The following PLEKHA2 variants were observed in gnomAD, a reference collection of about 807,000 sequenced individuals.
PLEKHA2 encodes the protein pleckstrin homology domain-containing family A member 2.
PLEKHA2 carries 28 observed loss-of-function variants against 53.2 expected under a neutral mutation model. The ratio of observed to expected loss-of-function variants is 0.53; its 90% CI spans 0.39 to 0.72. The LOEUF is 0.72. Ranked by LOEUF, PLEKHA2 falls within the 30% of genes least tolerant of loss-of-function variation. PLEKHA2 has a pLI of 0.00. For missense variants in PLEKHA2, 426 were observed against 537.9 expected (o/e 0.79, Z 2.06); for synonymous variants, 193 against 196.4 (o/e 0.98, Z 0.14).
chr8:38,904,622 T>A (rs1441086390), intron 1 of PLEKHA2, among the ~76,000 whole-genome samples: 2 of 152,240 alleles, frequency 1.3e-5, no homozygotes, highest in Admixed American at 6.5e-5. Flanking sequence ...GCACATTGCC[T>A]GGACTTTTTG....
intron 2 of PLEKHA2, among the ~76,000 whole-genome samples, chr8:38,920,346 G>A (rs1412631415): frequency 1.3e-5 from 2 of 152,052 alleles, no homozygotes; most frequent in Non-Finnish European, 1.5e-5. Context: ...AGTAGAGACG[G>A]GGTTTCACTG....
At chr8:38,920,104 T>A (rs1373291203) in intron 2 of PLEKHA2, among the ~76,000 whole-genome samples, 6 of 152,238 alleles carry the variant, frequency 3.9e-5, no homozygotes, top group Non-Finnish European at 1.5e-5. Flanking sequence ...CCTCAGTAGC[T>A]GGGATTACTG....
At chr8:38,926,984 G>C (rs1312187994) in intron 2 of PLEKHA2, among the ~76,000 whole-genome samples, 1 of 152,164 alleles carries the variant, frequency 6.6e-6, no homozygotes, top group Non-Finnish European at 1.5e-5. Flanking sequence ...TGTGTTAAGA[G>C]TTAGCACTAC....
At chr8:38,943,741 C>T (rs1373274147) in intron 3 of PLEKHA2, 48 bp from the exon 4 acceptor site, 3 of 1,391,432 alleles carry the variant, frequency 2.2e-6, no homozygotes, top group East Asian at 5.0e-5. Flanking sequence ...AAATCTTCAA[C>T]ATTGTAAGAC....
At chr8:38,953,268 C>T (rs1279518921) in intron 8 of PLEKHA2, 29 bp from the exon 9 acceptor site, 2 of 1,569,698 alleles carry the variant, frequency 1.3e-6, no homozygotes, top group African/African-American at 1.4e-5. Flanking sequence ...GACAGCCTCA[C>T]TTACCTGTCT....
intron 1 of PLEKHA2, among the ~76,000 whole-genome samples, chr8:38,907,818 TTATGTATG>T (rs79770085): frequency 0.016 from 2,288 of 147,278 alleles, 29 homozygotes; most frequent in Middle Eastern, 0.031. Flanking sequence ...GCCACTTATT[TTATGTATG>T]TATGTATGTA....
intron 3 of PLEKHA2, among the ~76,000 whole-genome samples, chr8:38,936,623 G>A (rs796897383): frequency 1.4e-4 from 22 of 152,206 alleles, no homozygotes; most frequent in African/African-American, 4.3e-4. Flanking sequence ...GGCCACCCCC[G>A]TCCCATTTGT....
chr8:38,951,484 T>C (rs1221508078), intron 6 of PLEKHA2, among the ~76,000 whole-genome samples: 1 of 144,060 alleles, frequency 6.9e-6, no homozygotes, highest in Non-Finnish European at 1.5e-5. Flanking sequence ...TTTTTTTTTT[T>C]TTTTTTTTTG....
At chr8:38,903,653 G>A (rs988510622) in intron 1 of PLEKHA2, among the ~76,000 whole-genome samples, 1 of 152,186 alleles carries the variant, frequency 6.6e-6, no homozygotes, top group East Asian at 1.9e-4. Flanking sequence ...TAGGATACTA[G>A]GAAGACCCAA....
chr8:38,921,360 G>A (rs1834191326), intron 2 of PLEKHA2, among the ~76,000 whole-genome samples: 1 of 152,238 alleles, frequency 6.6e-6, no homozygotes, highest in Non-Finnish European at 1.5e-5. Flanking sequence ...GAACTGACTT[G>A]CTTGGGGAAT....
Position 38,917,903 on chromosome 8 carries a change from G to C in PLEKHA2, c.-23-4G>C, listed in dbSNP as rs756140118. ...TCTCATCAGCACCTCCCTCCTGCGC[G>C]CAGGGTGATGTGAGCAGAGCCCAGG... is the stretch of plus-strand genomic sequence containing the variant. On this transcript the variant is annotated splice_region_variant and splice_polypyrimidine_tract_variant and intron_variant, in intron 1 of 11. Transcript: ENST00000617275. 19 of 1,611,534 alleles carry C rather than the reference G, an allele frequency of 1.2e-5. No individual in the cohort carries two copies. Among genetic ancestry groups the C allele is most frequent in the Non-Finnish European group, 1.4e-5 (17 of 1,178,246 alleles).
chr8:38,961,792 G>C (rs1351329292), intron 10 of PLEKHA2, among the ~76,000 whole-genome samples: 1 of 151,334 alleles, frequency 6.6e-6, no homozygotes, highest in African/African-American at 2.4e-5. Flanking sequence ...AGAAAGACTT[G>C]GGTTAGATTC....
At chr8:38,926,011 T>G (rs1834281860) in intron 2 of PLEKHA2, among the ~76,000 whole-genome samples, 3 of 152,230 alleles carry the variant, frequency 2.0e-5, no homozygotes, top group African/African-American at 7.2e-5. Flanking sequence ...AGTGACAAAT[T>G]TCTCCCTCCC....
intron 2 of PLEKHA2, 48 bp from the exon 3 acceptor site, chr8:38,935,946 G>C (rs1194261017): frequency 6.4e-7 from 1 of 1,566,030 alleles, no homozygotes; most frequent in Admixed American, 1.7e-5. Context: ...TCTGTCTCTT[G>C]GTGCTGTTTC....
At chr8:38,903,262 A>G (rs964782024) in intron 1 of PLEKHA2, among the ~76,000 whole-genome samples, 1 of 152,034 alleles carries the variant, frequency 6.6e-6, no homozygotes, top group African/African-American at 2.4e-5. Flanking sequence ...TGTCTATGGC[A>G]CTCCTAGTGG....
intron 1 of PLEKHA2, among the ~76,000 whole-genome samples, chr8:38,908,240 G>A (rs1833907364): frequency 1.3e-5 from 2 of 152,172 alleles, no homozygotes; most frequent in South Asian, 2.1e-4. Context: ...GACCACACCA[G>A]CAGGAGAAAG....
intron 5 of PLEKHA2, among the ~76,000 whole-genome samples, chr8:38,947,104 A>G (rs1382453174): frequency 6.6e-6 from 1 of 152,202 alleles, no homozygotes; most frequent in African/African-American, 2.4e-5. Context: ...TGAGTCTCCT[A>G]TAAGCACTTT....
At position 38,958,774 on chromosome 8, in the gene PLEKHA2, G is replaced by C. The variant is rs977064286; in HGVS notation, c.837+1388G>C. 3.3e-5 allele frequency among the ~76,000 whole-genome samples: 5 copies of C among 152,192 alleles called. No homozygotes were observed. In the South Asian group the frequency reaches 1.0e-3, roughly 31 times the overall value. ...TTCTTGCATTCAACAGATATTTGTA[G>C]AGTATCCTCAGAGTGCTGGGCATTT... On this transcript the variant is annotated intron_variant, in intron 10 of 11. Transcript: ENST00000617275.
At chr8:38,915,856 G>A (rs1040872538) in intron 1 of PLEKHA2, among the ~76,000 whole-genome samples, 28 of 152,128 alleles carry the variant, frequency 1.8e-4, no homozygotes, top group African/African-American at 4.1e-4. Context: ...TTGTGCGTAC[G>A]TAGTAGGTGT....
Sources: gnomAD v4.1 joint callset for allele counts (sites outside exome capture counted in the v4.1 genomes callset) on GRCh38, gnomAD v4.1.1 for gene constraint, MANE v1.5 for transcripts, NCBI Gene and HGNC (gene_info 2026-07-23, HGNC 2026-07-21) for gene names.